DNAAF11: variants seen among roughly 807,000 people sequenced by gnomAD.
DNAAF11 encodes dynein axonemal assembly factor 11.
A neutral mutation model predicts 60.8 loss-of-function variants in DNAAF11; 45 were observed. The ratio of observed to expected loss-of-function variants is 0.74; its 90% CI spans 0.58 to 0.95. DNAAF11 has a LOEUF of 0.95. DNAAF11 is among the 40% of genes least tolerant of loss of function. DNAAF11 has a pLI of 0.00. For synonymous variants in DNAAF11, 191 were observed against 183.5 expected (o/e 1.04, Z -0.33); for missense variants, 546 against 546.2 (o/e 1.00, Z 0.00).
chr8:132,691,932 C>T, the DNAAF11 span, among the ~76,000 whole-genome samples: 10 of 152,086 alleles, frequency 6.6e-5, no homozygotes, highest in Non-Finnish European at 8.8e-5. Context: ...GAGATGCAGC[C>T]GCCTCGCCTA....
chr8:132,581,877 CCCTT>C (rs1242268428), intron 11 of DNAAF11, among the ~76,000 whole-genome samples: 1 of 152,094 alleles, frequency 6.6e-6, no homozygotes, highest in African/African-American at 2.4e-5. Flanking sequence ...CTCAATAAAT[CCCTT>C]CGTTTGGAGG....
At chr8:132,688,971 TTAATTCAAGA>T in the DNAAF11 span, among the ~76,000 whole-genome samples, 1 of 152,224 alleles carries the variant, frequency 6.6e-6, no homozygotes, top group African/African-American at 2.4e-5. Flanking sequence ...CCTTAGGAGT[TTAATTCAAGA>T]TAATTTAAAA....
At chr8:132,701,873 G>A in the DNAAF11 span, among the ~76,000 whole-genome samples, 12 of 152,128 alleles carry the variant, frequency 7.9e-5, no homozygotes, top group African/African-American at 2.9e-4. Flanking sequence ...GATGGTGGCA[G>A]CTCCTAGGCC....
At chr8:132,689,732 T>C in the DNAAF11 span, among the ~76,000 whole-genome samples, 2 of 151,584 alleles carry the variant, frequency 1.3e-5, no homozygotes, top group Non-Finnish European at 2.9e-5. Context: ...TGTATATATA[T>C]ACAGAGAGAG....
intron 1 of DNAAF11, among the ~76,000 whole-genome samples, chr8:132,671,564 T>A (rs1005090525): frequency 6.6e-6 from 1 of 152,174 alleles, no homozygotes. Flanking sequence ...GTAAAGGATC[T>A]GAATACAACT....
chr8:132,691,751 C>A, the DNAAF11 span, among the ~76,000 whole-genome samples: 7 of 152,094 alleles, frequency 4.6e-5, no homozygotes, highest in Admixed American at 4.6e-4. Flanking sequence ...AAACCACCCC[C>A]ATCATCCAGT....
intron 1 of DNAAF11, among the ~76,000 whole-genome samples, chr8:132,673,591 CCTT>C (rs747482836): frequency 4.5e-4 from 68 of 152,364 alleles, no homozygotes; most frequent in Non-Finnish European, 5.9e-4. Context: ...GCTCTCCACT[CCTT>C]CTTTCTGTCT....
At chr8:132,625,572 A>G (rs1355230830) in intron 5 of DNAAF11, 118 bp from the exon 6 acceptor site, 3 of 772,042 alleles carry the variant, frequency 3.9e-6, no homozygotes, top group African/African-American at 3.6e-5. Context: ...TTTGAATGAC[A>G]AAGTGACTCT....
At chr8:132,604,292 T>C (rs1232697743) in intron 10 of DNAAF11, among the ~76,000 whole-genome samples, 4 of 151,850 alleles carry the variant, frequency 2.6e-5, no homozygotes, top group Non-Finnish European at 4.4e-5. Flanking sequence ...AAGGAGGAGG[T>C]TGGTTTGAGA....
chr8:132,670,745 T>TA (rs1355466357), intron 1 of DNAAF11, among the ~76,000 whole-genome samples: 1 of 151,920 alleles, frequency 6.6e-6, no homozygotes, highest in Non-Finnish European at 1.5e-5. Flanking sequence ...AACAACATAA[T>TA]AAAAAAATTA....
chr8:132,620,655 G>T (rs1418333258), intron 7 of DNAAF11, among the ~76,000 whole-genome samples: 3 of 152,148 alleles, frequency 2.0e-5, no homozygotes, highest in Non-Finnish European at 4.4e-5. Flanking sequence ...TTTCTGTGAT[G>T]AACCATAAAA....
Position 132,615,064 on chromosome 8 carries a change from C to A in DNAAF11, c.948G>T (p.Gln316His), listed in dbSNP as rs771987194. The change falls in exon 8 of 12, where the codon CAG becomes CAT. Residue 316 changes from glutamine to histidine, a missense_variant. Transcript: ENST00000620350. The part of the protein sequence containing the change: ...IDFSLKDNEK[Q>H]IILDLAVYRY... ...TATAGACAGCAAGGTCCAGGATGAT[C>A]TGCTTTTCGTTATCTTTCAAAGAGA... The A allele has an allele frequency of 3.7e-6, 6 of 1,607,740 alleles. No individual in the cohort carries two copies. The highest frequency in any genetic ancestry group is 5.1e-6 in the Non-Finnish European group (6 of 1,175,124).
intron 3 of DNAAF11, among the ~76,000 whole-genome samples, chr8:132,641,990 A>C (rs1389754132): frequency 6.6e-6 from 1 of 152,210 alleles, no homozygotes; most frequent in Non-Finnish European, 1.5e-5. Context: ...AAAGACAGAA[A>C]AAATAAATAT....
At chr8:132,655,194 C>A (rs2130763070) in intron 3 of DNAAF11, among the ~76,000 whole-genome samples, 1 of 151,766 alleles carries the variant, frequency 6.6e-6, no homozygotes, top group East Asian at 1.9e-4. Context: ...CATAACCTTC[C>A]AAAACTGAGT....
At chr8:132,584,521 C>A (rs374295913) in intron 10 of DNAAF11, among the ~76,000 whole-genome samples, 1 of 152,314 alleles carries the variant, frequency 6.6e-6, no homozygotes, top group African/African-American at 2.4e-5. Context: ...TTTCTCCACC[C>A]CTCAACATTC....
chr8:132,615,404 CAT>C (rs1357703180), intron 7 of DNAAF11, among the ~76,000 whole-genome samples: 1 of 152,170 alleles, frequency 6.6e-6, no homozygotes, highest in East Asian at 1.9e-4. Context: ...TTTTCCATCT[CAT>C]ATGAGTTTGC....
At chr8:132,702,809 C>T in the DNAAF11 span, among the ~76,000 whole-genome samples, 1 of 152,130 alleles carries the variant, frequency 6.6e-6, no homozygotes, top group African/African-American at 2.4e-5. Context: ...ACAGTCTAGT[C>T]CCAGGTCTCC....
intron 11 of DNAAF11, 112 bp downstream of exon 11, chr8:132,583,582 A>G: frequency 3.9e-6 from 3 of 776,632 alleles, no homozygotes; most frequent in Admixed American, 2.1e-5. Flanking sequence ...CATGGTATGA[A>G]TCATCTCAGA....
intron 1 of DNAAF11, among the ~76,000 whole-genome samples, chr8:132,664,244 C>T (rs754459203): frequency 1.4e-4 from 21 of 152,144 alleles, no homozygotes; most frequent in Non-Finnish European, 2.9e-4. Flanking sequence ...CGAATGTGTT[C>T]AGGGGACTTC....
Sources: gnomAD v4.1 joint callset for allele counts (sites outside exome capture counted in the v4.1 genomes callset) on GRCh38, gnomAD v4.1.1 for gene constraint, MANE v1.5 for transcripts, NCBI Gene and HGNC (gene_info 2026-07-23, HGNC 2026-07-21) for gene names.